TAF1: variants seen among roughly 807,000 people sequenced by gnomAD.
The protein encoded by TAF1 is TATA-box binding protein associated factor 1, also known as transcription initiation factor TFIID subunit 1.
A neutral mutation model predicts 138.5 loss-of-function variants in TAF1; 2 were observed. That is an observed-to-expected ratio of 0.01 (90% CI 0.01 to 0.05). The LOEUF is 0.05. Among genes scored for constraint, TAF1 ranks in the 10% least tolerant of loss-of-function variants. The probability of loss-of-function intolerance (pLI) is 1.00; values close to 1 mark genes in which losing one functional copy is unlikely to be tolerated. For missense variants in TAF1, 709 were observed against 1,478.0 expected (o/e 0.48, Z 8.53); for synonymous variants, 437 against 503.2 (o/e 0.87, Z 1.76).
At chrX:71,503,298 G>GTATATATATATATATATATATATGTGTA (rs2039549647) in intron 13 of TAF1, among the ~76,000 whole-genome samples, 2 of 80,289 alleles carry the variant, frequency 2.5e-5, no homozygotes, top group African/African-American at 5.0e-5. Context: ...ATATATATGT[G>GTATATATATATATATATATATATGTGTA]TATATATATA....
At chrX:71,378,508 T>C in intron 7 of TAF1, 55 bp downstream of exon 7, 1 of 1,154,205 alleles carries the variant, frequency 8.7e-7, no homozygotes, top group South Asian at 1.9e-5. Flanking sequence ...CCTATTACTT[T>C]TACTAACTTT....
intron 3 of TAF1, among the ~76,000 whole-genome samples, chrX:71,370,266 A>G (rs1175819260): frequency 2.7e-5 from 3 of 111,061 alleles, no homozygotes; most frequent in Admixed American, 1.9e-4. Flanking sequence ...GAGAAGTTCA[A>G]TTTAGTGGTC....
intron 32 of TAF1, among the ~76,000 whole-genome samples, chrX:71,425,583 T>C (rs1156830881): frequency 1.8e-5 from 2 of 111,486 alleles, no homozygotes; most frequent in Non-Finnish European, 3.8e-5. Context: ...ATTTCAAGAC[T>C]GCAGTGAGCT....
chrX:71,459,120 A>G (rs771654381), intron 35 of TAF1: 1 of 1,022,646 alleles, frequency 9.8e-7, no homozygotes, highest in African/African-American at 1.9e-5. Context: ...CACGTCCCTC[A>G]ATGATGTGCT....
At chrX:71,386,012 T>G (rs2034196749) in intron 14 of TAF1, among the ~76,000 whole-genome samples, 1 of 110,545 alleles carries the variant, frequency 9.0e-6, no homozygotes, top group Non-Finnish European at 1.9e-5. Context: ...AAATACAAAA[T>G]TAGCCGGGCA....
chrX:71,434,673 TA>T (rs1157626346), intron 32 of TAF1, among the ~76,000 whole-genome samples: 3 of 112,172 alleles, frequency 2.7e-5, no homozygotes, highest in African/African-American at 6.5e-5. Context: ...ACGCTAATTA[TA>T]GAGTTATGCC....
chrX:71,421,909 A>G (rs983899402), intron 29 of TAF1, among the ~76,000 whole-genome samples: 3 of 112,425 alleles, frequency 2.7e-5, no homozygotes, highest in Non-Finnish European at 5.6e-5. Context: ...AAACACGGAA[A>G]GATTCTCAAC....
rs750694985 is a variant in TAF1, at chrX:71,459,499, G to A, written c.5065-53G>A. The A allele has an allele frequency of 1.9e-5, 22 of 1,187,684 alleles. No homozygotes were observed. In the African/African-American group the frequency reaches 2.0e-4, roughly 11 times the overall value. On this transcript the variant is annotated intron_variant, in intron 35 of 37. Transcript: ENST00000423759. ...GGGGTGTGCCTGGTGGTGGCTTCTG[G>A]TCTCTTATGTGGTCAGTTGATAGGA...
At chrX:71,523,289 A>G (rs1237615596) in intron 13 of TAF1, among the ~76,000 whole-genome samples, 1 of 110,709 alleles carries the variant, frequency 9.0e-6, no homozygotes, top group Non-Finnish European at 1.9e-5. Flanking sequence ...AAACTACAGA[A>G]TGAAGTTTTA....
At chrX:71,402,995 A>T (rs1602554271) in intron 25 of TAF1, among the ~76,000 whole-genome samples, 1 of 110,567 alleles carries the variant, frequency 9.0e-6, no homozygotes, top group South Asian at 3.8e-4. Context: ...TTAATCTAGA[A>T]TGATTTTCCC....
Position 71,421,171 on chromosome X carries a change from G to A in TAF1, c.4385-138G>A, listed in dbSNP as rs28382195. ...GCTGGAAAATGGACATAAGTCTGGT[G>A]TATCTGTCTAACCCATCAGTTAGCC... On this transcript the variant is annotated intron_variant, in intron 28 of 37. Transcript: ENST00000423759. 14,298 of 498,842 alleles carry A rather than the reference G, an allele frequency of 0.029. 1,042 individuals are homozygous for A. Among genetic ancestry groups the A allele is most frequent in the African/African-American group, 0.25 (10,647 of 42,067 alleles). The allele number at this position is 498,842 out of a possible 1,213,427, so 41.1% of individuals were successfully genotyped here. A position where few individuals can be genotyped will look rare whatever the true frequency, so the allele number is the denominator to read the frequency against.
At chrX:71,483,779 T>TATATATATATATATATATATA (rs1444305242) in intron 13 of TAF1, among the ~76,000 whole-genome samples, 1 of 70,372 alleles carries the variant, frequency 1.4e-5, no homozygotes, top group African/African-American at 5.3e-5. Flanking sequence ...TCTCTCTCTC[T>TATATATATATATATATATATA]CTATATATAT....
intron 13 of TAF1, chrX:71,491,717 A>C (rs1183103190): frequency 1.0e-5 from 1 of 97,504 alleles, no homozygotes; most frequent in Non-Finnish European, 2.0e-5. Flanking sequence ...GCTGGAGTGC[A>C]GTGGCGCGAC....
At chrX:71,490,665 A>C (rs758267487) in intron 13 of TAF1, among the ~76,000 whole-genome samples, 22 of 111,616 alleles carry the variant, frequency 2.0e-4, no homozygotes, top group Non-Finnish European at 3.2e-4. Context: ...ACAGACACAT[A>C]GACCAATGGA....
intron 2 of TAF1, 70 bp from the exon 3 acceptor site, chrX:71,367,984 T>C (rs2032692151): frequency 1.8e-6 from 2 of 1,101,343 alleles, no homozygotes; most frequent in Non-Finnish European, 2.5e-6. Context: ...ACATGTACTT[T>C]TAAATGGGAA....
chrX:71,396,295 CTT>C (rs368521405), intron 22 of TAF1, among the ~76,000 whole-genome samples: 15 of 93,304 alleles, frequency 1.6e-4, no homozygotes, highest in African/African-American at 2.0e-4. Context: ...TGCTTGGGTA[CTT>C]TTTTTTTTTT....
chrX:71,517,066 T>C (rs2039838239), intron 13 of TAF1, among the ~76,000 whole-genome samples: 1 of 109,783 alleles, frequency 9.1e-6, no homozygotes. Flanking sequence ...GGGCTATTTC[T>C]TGTGAGATTC....
chrX:71,422,215 CTATG>C (rs1483665944), intron 29 of TAF1, among the ~76,000 whole-genome samples: 1 of 110,995 alleles, frequency 9.0e-6, no homozygotes, highest in South Asian at 3.8e-4. Context: ...GTGTGGGGAG[CTATG>C]ATGTTGACAC....
At position 71,382,954 on chromosome X, in the gene TAF1, A is replaced by T. The variant is rs754269408; in HGVS notation, c.1774-37A>T. On this transcript the variant is annotated intron_variant, in intron 11 of 37. Coordinates refer to ENST00000423759, the MANE Select transcript of TAF1 (RefSeq NM_004606.5). ...TATGGGAAAATCTTGCTTAGGATGG[A>T]ATTAGCTAATTTTAACCCTTCTATT... 7 of 1,194,980 alleles carry T rather than the reference A, an allele frequency of 5.9e-6. No homozygotes were observed. In the South Asian group the frequency reaches 1.3e-4, roughly 22 times the overall value.
Sources: allele counts gnomAD v4.1 joint callset (sites outside exome capture counted in the v4.1 genomes callset), GRCh38; gene constraint gnomAD v4.1.1; transcripts MANE v1.5; gene names NCBI Gene and HGNC (gene_info 2026-07-23, HGNC 2026-07-21).